The following CLSTN2 variants were observed in gnomAD, a reference collection of about 807,000 sequenced individuals.
CLSTN2 encodes the protein calsyntenin-2.
CLSTN2 carries 48 observed loss-of-function variants against 101.2 expected under a neutral mutation model. The observed-to-expected ratio is 0.47, with a 90% CI of 0.38 to 0.60. CLSTN2 has a LOEUF of 0.60. Among genes scored for constraint, CLSTN2 ranks in the 20% least tolerant of loss-of-function variants. CLSTN2 has a pLI of 0.00. For missense variants in CLSTN2, 1,160 were observed against 1,238.2 expected, an observed-to-expected ratio of 0.94 and a Z score of 0.95; for synonymous variants, 481 against 463.6, an observed-to-expected ratio of 1.04 and a Z score of -0.48.
intron 1 of CLSTN2, among the ~76,000 whole-genome samples, chr3:140,110,653 T>C (rs930425175): frequency 1.3e-5 from 2 of 152,208 alleles, no homozygotes; most frequent in South Asian, 2.1e-4. Context: ...TTATTTCTAT[T>C]GTAGATCTAG....
At chr3:140,554,434 G>C (rs944194109) in intron 10 of CLSTN2, among the ~76,000 whole-genome samples, 3 of 152,110 alleles carry the variant, frequency 2.0e-5, no homozygotes, top group East Asian at 1.9e-4. Flanking sequence ...CTCATACTAA[G>C]AAAAATACAA....
intron 2 of CLSTN2, among the ~76,000 whole-genome samples, chr3:140,196,066 G>A (rs2010639306): frequency 6.6e-6 from 1 of 152,188 alleles, no homozygotes; most frequent in South Asian, 2.1e-4. Flanking sequence ...CTTCCTGATG[G>A]TTAGTCCTAG....
At chr3:140,283,056 A>G (rs991867566) in intron 2 of CLSTN2, among the ~76,000 whole-genome samples, 1 of 152,128 alleles carries the variant, frequency 6.6e-6, no homozygotes, top group African/African-American at 2.4e-5. Context: ...TACAATCCCT[A>G]AATCATGTTG....
intron 5 of CLSTN2, among the ~76,000 whole-genome samples, chr3:140,433,565 G>C (rs1022770907): frequency 3.9e-5 from 6 of 152,222 alleles, no homozygotes; most frequent in African/African-American, 1.2e-4. Context: ...AGAGGATACA[G>C]CTTCAGAGTG....
chr3:140,274,844 G>A (rs1222478710), intron 2 of CLSTN2, among the ~76,000 whole-genome samples: 1 of 152,144 alleles, frequency 6.6e-6, no homozygotes, highest in Non-Finnish European at 1.5e-5. Flanking sequence ...AATTTAAGCT[G>A]GGAAATCAGG....
intron 1 of CLSTN2, among the ~76,000 whole-genome samples, chr3:139,970,765 G>A (rs1382739547): frequency 6.6e-6 from 1 of 152,180 alleles, no homozygotes; most frequent in Non-Finnish European, 1.5e-5. Flanking sequence ...GTTTCCAAGG[G>A]TAACTGTAGC....
At chr3:140,409,398 A>C (rs1214298623) in intron 4 of CLSTN2, among the ~76,000 whole-genome samples, 1 of 152,188 alleles carries the variant, frequency 6.6e-6, no homozygotes, top group Non-Finnish European at 1.5e-5. Context: ...AGGAACACAC[A>C]GTTGCAAATG....
chr3:140,301,589 T>C (rs1257458615), intron 2 of CLSTN2, among the ~76,000 whole-genome samples: 1 of 152,224 alleles, frequency 6.6e-6, no homozygotes, highest in East Asian at 1.9e-4. Context: ...CTTCCTGTAA[T>C]TTTGAAAATA....
chr3:140,397,106 CA>C (rs1026613389), intron 2 of CLSTN2, among the ~76,000 whole-genome samples: 2 of 150,972 alleles, frequency 1.3e-5, no homozygotes, highest in Admixed American at 1.3e-4. Flanking sequence ...CATAATTTGA[CA>C]AAAAAAGATA....
chr3:140,196,286 G>A (rs562735490), intron 2 of CLSTN2, among the ~76,000 whole-genome samples: 8 of 152,308 alleles, frequency 5.3e-5, no homozygotes, highest in Non-Finnish European at 8.8e-5. Flanking sequence ...AGAGGAAGGC[G>A]GGGGAAAAAT....
intron 2 of CLSTN2, among the ~76,000 whole-genome samples, chr3:140,229,602 T>G (rs534419202): frequency 9.7e-4 from 147 of 151,926 alleles, no homozygotes; most frequent in African/African-American, 3.3e-3. Flanking sequence ...TCAGGAGAGC[T>G]AAAACCCATT....
intron 1 of CLSTN2, among the ~76,000 whole-genome samples, chr3:140,108,118 A>G (rs2009093873): frequency 6.6e-6 from 1 of 152,196 alleles, no homozygotes; most frequent in Non-Finnish European, 1.5e-5. Context: ...TTACTTTTTC[A>G]GACAGCATCT....
chr3:140,459,578 C>T lies in CLSTN2; in HGVS notation c.1031C>T (p.Thr344Ile). The T allele has an allele frequency of 6.2e-7, 1 of 1,614,148 alleles. No homozygotes were observed. Among genetic ancestry groups the T allele is most frequent in the African/African-American group, 1.3e-5 (1 of 75,046 alleles). ...LPSPSAATNW[T>I]AGLLVDSSEM... ...TCCCCTAGCGCTGCCACCAACTGGA[C>T]TGCAGGACTGCTGGTGGACAGCAGT... is the stretch of plus-strand genomic sequence containing the variant. Residue 344 changes from threonine to isoleucine, a missense_variant, in exon 7 of 17, where the codon ACT becomes ATT. Coordinates refer to ENST00000458420, the MANE Select transcript of CLSTN2 (RefSeq NM_022131.3).
At position 140,211,568 on chromosome 3, in the gene CLSTN2, G is replaced by A. The variant is rs1053308426; in HGVS notation, c.232+35495G>A. Among the ~76,000 whole-genome samples, 12 of 150,704 alleles carry A rather than the reference G, an allele frequency of 8.0e-5. No homozygotes were observed. The East Asian group carries it at 2.2e-3, about 28-fold the overall frequency. The stretch of plus-strand genomic sequence containing the variant: ...GTGTGTGTGTGTGTAGTGTGTGTGT[G>A]TATATATATGAATATATTTGTGTGT... On this transcript the variant is annotated intron_variant, in intron 2 of 16. Coordinates refer to ENST00000458420, the MANE Select transcript of CLSTN2 (RefSeq NM_022131.3).
At chr3:140,404,210 T>G (rs1576550265) in intron 3 of CLSTN2, among the ~76,000 whole-genome samples, 1 of 152,184 alleles carries the variant, frequency 6.6e-6, no homozygotes, top group South Asian at 2.1e-4. Context: ...GCTTTTTCCC[T>G]TATGTTTATC....
chr3:140,513,683 T>C lies in CLSTN2; in HGVS notation c.1345-18641T>C, dbSNP rs1484644652. On this transcript the variant is annotated intron_variant, in intron 8 of 16. Coordinates refer to ENST00000458420, the MANE Select transcript of CLSTN2 (RefSeq NM_022131.3). ...TTAGGTAGGAATCCCTTCTTTTCAATTGTTTGGAATAGTTTCAGTAGGAAT... is the reference window on the plus strand; with the variant it reads ...TTAGGTAGGAATCCCTTCTTTTCAACTGTTTGGAATAGTTTCAGTAGGAAT... 2.0e-5 allele frequency among the ~76,000 whole-genome samples: 3 copies of C among 149,838 alleles called. No homozygotes were observed. In the Admixed American group the frequency reaches 2.0e-4, roughly 10 times the overall value.
At chr3:140,497,163 G>A (rs1277424421) in intron 8 of CLSTN2, among the ~76,000 whole-genome samples, 1 of 152,014 alleles carries the variant, frequency 6.6e-6, no homozygotes. Context: ...TGCAGTGTTG[G>A]GGGTAAGCCT....
chr3:140,543,591 C>A (rs1935529254), intron 9 of CLSTN2, among the ~76,000 whole-genome samples: 1 of 152,200 alleles, frequency 6.6e-6, no homozygotes, highest in South Asian at 2.1e-4. Context: ...GAGAGCAGGG[C>A]AGCTCAGGCT....
At chr3:139,958,684 G>T (rs1393633653) in intron 1 of CLSTN2, among the ~76,000 whole-genome samples, 1 of 151,526 alleles carries the variant, frequency 6.6e-6, no homozygotes, top group Non-Finnish European at 1.5e-5. Flanking sequence ...GTAGACTCGG[G>T]ATTTGACGAC....
Sources: allele counts gnomAD v4.1 joint callset (sites outside exome capture counted in the v4.1 genomes callset), GRCh38; gene constraint gnomAD v4.1.1; transcripts MANE v1.5; gene names NCBI Gene and HGNC (gene_info 2026-07-23, HGNC 2026-07-21).